Variants in PPARGC1A observed in about 807,000 individuals in gnomAD.
The protein encoded by PPARGC1A is PPARG coactivator 1 alpha, also known as peroxisome proliferator-activated receptor gamma coactivator 1-alpha.
Under a neutral mutation model 88.7 loss-of-function variants are expected in PPARGC1A, and 25 were observed. The ratio of observed to expected loss-of-function variants is 0.28; its 90% CI spans 0.21 to 0.39. The LOEUF is 0.39. Ranked by LOEUF, PPARGC1A falls within the 10% of genes least tolerant of loss-of-function variation. The pLI is 1.00. For missense variants in PPARGC1A, 880 were observed against 968.7 expected (o/e 0.91, Z 1.22); for synonymous variants, 363 against 355.6 (o/e 1.02, Z -0.24).
intron 5 of PPARGC1A, 120 bp downstream of exon 5, chr4:23,828,280 T>C: frequency 9.5e-7 from 1 of 1,057,892 alleles, no homozygotes; most frequent in South Asian, 1.5e-5. Flanking sequence ...TGCTGAATTC[T>C]CTTTCCACAG....
At chr4:24,144,939 T>C in the PPARGC1A span, among the ~76,000 whole-genome samples, 337 of 152,208 alleles carry the variant, frequency 2.2e-3, 6 homozygotes, top group East Asian at 0.056. Context: ...TCAGGTTTTT[T>C]TTTTTTTTAA....
At chr4:24,096,407 C>T in the PPARGC1A span, among the ~76,000 whole-genome samples, 3 of 152,296 alleles carry the variant, frequency 2.0e-5, no homozygotes, top group South Asian at 2.1e-4. Context: ...GGAATCAACT[C>T]GGTCAACAAA....
the PPARGC1A span, among the ~76,000 whole-genome samples, chr4:23,990,303 T>C: frequency 3.3e-5 from 5 of 151,280 alleles, no homozygotes; most frequent in East Asian, 7.8e-4. Context: ...AATAACAATA[T>C]CAATAATAGT....
chr4:23,953,024 C>T, the PPARGC1A span, among the ~76,000 whole-genome samples: 1 of 151,926 alleles, frequency 6.6e-6, no homozygotes, highest in Non-Finnish European at 1.5e-5. Flanking sequence ...TGCCTACCTA[C>T]CTGAAAAGAC....
At chr4:23,835,466 T>TTGTGTGTGTGTGTGTGTGTGTGTG (rs145407468) in intron 2 of PPARGC1A, among the ~76,000 whole-genome samples, 37 of 135,288 alleles carry the variant, frequency 2.7e-4, no homozygotes, top group Non-Finnish European at 3.2e-5. Context: ...GCATGGCGGC[T>TTGTGTGTGTGTGTGTGTGTGTGTG]TGTGTGTGTG....
At chr4:24,307,218 G>C in the PPARGC1A span, among the ~76,000 whole-genome samples, 47 of 152,252 alleles carry the variant, frequency 3.1e-4, no homozygotes, top group African/African-American at 1.1e-3. Context: ...ATGGAAAGGG[G>C]ATCAGGGTTC....
chr4:23,831,237 GA>G (rs1359013544), intron 3 of PPARGC1A, among the ~76,000 whole-genome samples: 4 of 152,254 alleles, frequency 2.6e-5, no homozygotes, highest in African/African-American at 9.6e-5. Context: ...AATCACAGGT[GA>G]AATTTTTAGT....
At chr4:24,470,316 A>ACACACACACACACACACACACACACC in the PPARGC1A span, among the ~76,000 whole-genome samples, 1 of 144,640 alleles carries the variant, frequency 6.9e-6, no homozygotes, top group African/African-American at 2.7e-5. This position sits in a 1 kb window ranked among gnomAD's most constrained non-coding sequence, Gnocchi z 5.8. Context: ...ACACACACAC[A>ACACACACACACACACACACACACACC]CACACACACT....
the PPARGC1A span, among the ~76,000 whole-genome samples, chr4:23,952,025 C>T: frequency 6.6e-6 from 1 of 152,010 alleles, no homozygotes; most frequent in African/African-American, 2.4e-5. Flanking sequence ...CACCCTGGCC[C>T]ACGGTCACTC....
At chr4:23,917,480 C>G in the PPARGC1A span, among the ~76,000 whole-genome samples, 4 of 151,730 alleles carry the variant, frequency 2.6e-5, no homozygotes, top group Admixed American at 2.0e-4. Flanking sequence ...CCCGCCACCA[C>G]GCCCGGCTAA....
At chr4:24,149,486 G>T in the PPARGC1A span, among the ~76,000 whole-genome samples, 3 of 152,024 alleles carry the variant, frequency 2.0e-5, no homozygotes, top group East Asian at 3.9e-4. Context: ...AAGCAGAAAG[G>T]CCTGTTGGAT....
At chr4:23,797,967 C>T (rs1382909115) in intron 12 of PPARGC1A, among the ~76,000 whole-genome samples, 1 of 152,066 alleles carries the variant, frequency 6.6e-6, no homozygotes, top group Non-Finnish European at 1.5e-5. Context: ...TGAAAATGGC[C>T]TGTTCCTGCC....
the PPARGC1A span, among the ~76,000 whole-genome samples, chr4:24,119,573 G>T: frequency 2.0e-5 from 3 of 152,044 alleles, no homozygotes; most frequent in Non-Finnish European, 4.4e-5. Flanking sequence ...AAAGCTGAAG[G>T]CCTGCCCAGT....
chr4:24,262,524 C>T, the PPARGC1A span, among the ~76,000 whole-genome samples: 3 of 152,192 alleles, frequency 2.0e-5, no homozygotes, highest in Admixed American at 2.0e-4. Flanking sequence ...AACCATTTTT[C>T]AATCCTTTGC....
the PPARGC1A span, among the ~76,000 whole-genome samples, chr4:24,390,417 AT>A: frequency 1.3e-5 from 2 of 152,150 alleles, no homozygotes; most frequent in South Asian, 4.1e-4. Flanking sequence ...ATATAAAAAC[AT>A]TTTTATTGTG....
At chr4:24,014,929 A>G in the PPARGC1A span, among the ~76,000 whole-genome samples, 1 of 152,158 alleles carries the variant, frequency 6.6e-6, no homozygotes. Context: ...TTTTGACCAC[A>G]CTGAAGAGGA....
chr4:24,241,905 T>G, the PPARGC1A span, among the ~76,000 whole-genome samples: 1 of 152,210 alleles, frequency 6.6e-6, no homozygotes, highest in Non-Finnish European at 1.5e-5. Flanking sequence ...TTTATCCCTG[T>G]CGTTTTGCTC....
chr4:24,031,592 A>C, the PPARGC1A span, among the ~76,000 whole-genome samples: 1 of 152,322 alleles, frequency 6.6e-6, no homozygotes, highest in Admixed American at 6.5e-5. Flanking sequence ...CAGCCCAGGC[A>C]CTACTCACAC....
At chr4:23,871,053 G>A (rs1713244720) in intron 2 of PPARGC1A, among the ~76,000 whole-genome samples, 1 of 151,620 alleles carries the variant, frequency 6.6e-6, no homozygotes, top group Non-Finnish European at 1.5e-5. Flanking sequence ...GCCATTGAAA[G>A]ACAAATTAAA....
Sources: allele counts gnomAD v4.1 joint callset (sites outside exome capture counted in the v4.1 genomes callset), GRCh38; gene constraint gnomAD v4.1.1; non-coding constraint Gnocchi (gnomAD v3.1); transcripts MANE v1.5; gene names NCBI Gene and HGNC (gene_info 2026-07-23, HGNC 2026-07-21).